Variants in CPNE5 observed in about 807,000 individuals in gnomAD.
CPNE5 encodes the protein copine 5, also known as copine-5.
In CPNE5, 42 loss-of-function variants were observed where a neutral mutation model predicts 81.1. The ratio of observed to expected loss-of-function variants is 0.52; its 90% CI spans 0.40 to 0.67. The LOEUF (loss-of-function observed/expected upper bound fraction) is 0.67. Ranked by LOEUF, CPNE5 falls within the 30% of genes least tolerant of loss-of-function variation. The probability of loss-of-function intolerance (pLI) is 0.00; values close to 1 mark genes in which losing one functional copy is unlikely to be tolerated. For missense variants in CPNE5, 612 were observed against 815.5 expected, an observed-to-expected ratio of 0.75 and a Z score of 3.04; for synonymous variants, 313 against 321.5, an observed-to-expected ratio of 0.97 and a Z score of 0.28.
chr6:36,825,568 C>T (rs1263575096), intron 1 of CPNE5, among the ~76,000 whole-genome samples: 1 of 152,222 alleles, frequency 6.6e-6, no homozygotes, highest in Non-Finnish European at 1.5e-5. Flanking sequence ...ATTTCGGAAA[C>T]CATCTGATAA....
At chr6:36,809,811 AG>A (rs1770938404) in intron 3 of CPNE5, among the ~76,000 whole-genome samples, 1 of 151,596 alleles carries the variant, frequency 6.6e-6, no homozygotes, top group Non-Finnish European at 1.5e-5. Context: ...CGCTGAGTGG[AG>A]CCCTGGTTCA....
intron 3 of CPNE5, among the ~76,000 whole-genome samples, chr6:36,801,761 A>T (rs1770119207): frequency 6.6e-6 from 1 of 152,200 alleles, no homozygotes; most frequent in Admixed American, 6.5e-5. Context: ...GGCCAAATTC[A>T]TCGATGCAGA....
At position 36,746,578 on chromosome 6, in the gene CPNE5, C is replaced by T; in HGVS notation, c.1019-1G>A. The T allele has an allele frequency of 6.2e-7, 1 of 1,610,196 alleles. No homozygotes were observed. The highest frequency in any genetic ancestry group is 8.5e-7 in the Non-Finnish European group (1 of 1,178,366). On this transcript the variant is annotated splice_acceptor_variant, in intron 15 of 20. Transcript: ENST00000244751. LOFTEE classifies it high-confidence loss of function. This position sits in a 1 kb window ranked among gnomAD's most constrained non-coding sequence, Gnocchi z 4.5. ...AGGGATGTGGACTGTGAGGGGTTCC[C>T]TGTAACACAGGACATGGGAGCCTTT...
intron 10 of CPNE5, among the ~76,000 whole-genome samples, chr6:36,771,348 C>T (rs1446624417): frequency 6.6e-6 from 1 of 152,174 alleles, no homozygotes; most frequent in Non-Finnish European, 1.5e-5. Flanking sequence ...CTGGTTCTAC[C>T]ACCGGCTGGC....
Position 36,743,776 on chromosome 6 carries a change from AGT to A in CPNE5, c.1490-16_1490-15del, listed in dbSNP as rs762216223. The A allele has an allele frequency of 1.9e-6, 3 of 1,609,014 alleles. No individual in the cohort carries two copies. Among genetic ancestry groups the A allele is most frequent in the Middle Eastern group, 1.7e-4 (1 of 6,060 alleles). The stretch of plus-strand genomic sequence containing the variant: ...GCTCCACCATGGCTGTGAGGGGAGG[AGT>A]GTCATGGGGCGGGGTGAGATTAACG... On this transcript the variant is annotated splice_polypyrimidine_tract_variant and intron_variant, in intron 19 of 20. Transcript: ENST00000244751.
chr6:36,751,286 C>T (rs1049395702), intron 14 of CPNE5, among the ~76,000 whole-genome samples: 3 of 152,232 alleles, frequency 2.0e-5, no homozygotes, highest in African/African-American at 7.2e-5. Flanking sequence ...ACTCATCAGT[C>T]TCCATCTTCA....
chr6:36,798,444 G>T lies in CPNE5; in HGVS notation c.327+11C>A. ...CTATGGAATTGCTGAGCAGTTACTG[G>T]CAGAACTCACGTGTTTGGATAAATC... On this transcript the variant is annotated intron_variant, in intron 5 of 20. Coordinates refer to ENST00000244751, the MANE Select transcript of CPNE5 (RefSeq NM_020939.2). 2 of 1,613,312 alleles carry T rather than the reference G, an allele frequency of 1.2e-6. No homozygotes were observed. The highest frequency in any genetic ancestry group is 1.1e-5 in the South Asian group (1 of 91,056).
chr6:36,745,262 T>G (rs547288962), intron 17 of CPNE5, 112 bp from the exon 18 acceptor site: 289 of 1,429,488 alleles, frequency 2.0e-4, no homozygotes, highest in Non-Finnish European at 2.6e-4. Flanking sequence ...GGGAATCTCT[T>G]CAGGGTCAGG....
chr6:36,766,629 A>G lies in CPNE5; in HGVS notation c.738-1253T>C, dbSNP rs902170157. 3.9e-5 allele frequency among the ~76,000 whole-genome samples: 6 copies of G among 152,174 alleles called. No homozygotes were observed. The highest frequency in any genetic ancestry group is 6.5e-5 in the Admixed American group (1 of 15,288). On this transcript the variant is annotated intron_variant, in intron 10 of 20. Coordinates refer to ENST00000244751, the MANE Select transcript of CPNE5 (RefSeq NM_020939.2). This position sits in a 1 kb window ranked among gnomAD's most constrained non-coding sequence, Gnocchi z 4.2. Reference sequence around the variant, plus strand: ...GGTTGATGAGCTGGAAAGAGTGGAAAGACCAGGACGGCCCTACGCTTGGAC... The same window carrying G: ...GGTTGATGAGCTGGAAAGAGTGGAAGGACCAGGACGGCCCTACGCTTGGAC...
chr6:36,831,440 G>A (rs984945585), intron 1 of CPNE5, among the ~76,000 whole-genome samples: 4 of 151,746 alleles, frequency 2.6e-5, no homozygotes, highest in Admixed American at 6.6e-5. Context: ...TGCAACCTCC[G>A]CCTCCCAGGT....
intron 3 of CPNE5, among the ~76,000 whole-genome samples, chr6:36,808,326 G>C (rs571186984): frequency 6.6e-6 from 1 of 152,000 alleles, no homozygotes; most frequent in Admixed American, 6.6e-5. Context: ...CCTGACCTCA[G>C]GTAATCCACC....
Position 36,762,846 on chromosome 6 carries a change from T to C in CPNE5, c.855+71A>G, listed in dbSNP as rs184151288. On this transcript the variant is annotated intron_variant, in intron 12 of 20. Transcript: ENST00000244751. ...CACACCAAGCCCCCAGCCCAGTGCATGGCTCACTACAGTCCTCAGTGACTG... is the reference window on the plus strand; with the variant it reads ...CACACCAAGCCCCCAGCCCAGTGCACGGCTCACTACAGTCCTCAGTGACTG... The C allele has an allele frequency of 4.0e-6, 5 of 1,238,228 alleles. No homozygotes were observed. In the East Asian group the frequency reaches 9.3e-5, roughly 23 times the overall value. The allele number at this position is 1,238,228 out of a possible 1,614,324, so 76.7% of individuals were successfully genotyped here.
At chr6:36,743,926 A>G (rs1763821436) in intron 19 of CPNE5, among the ~76,000 whole-genome samples, 164 bp from the exon 20 acceptor site, 1 of 152,200 alleles carries the variant, frequency 6.6e-6, no homozygotes, top group African/African-American at 2.4e-5. Flanking sequence ...GGCCAGGAGG[A>G]GCCCGATCAG....
intron 6 of CPNE5, among the ~76,000 whole-genome samples, chr6:36,796,226 G>A (rs1769559770): frequency 6.6e-6 from 1 of 152,252 alleles, no homozygotes; most frequent in African/African-American, 2.4e-5. Flanking sequence ...TGGGATTACA[G>A]GCATGAGCTA....
Position 36,756,251 on chromosome 6 carries a change from A to G in CPNE5, c.903T>C (p.Ser301=). 1 of 1,613,546 alleles carries G rather than the reference A, an allele frequency of 6.2e-7. No individual in the cohort carries two copies. Among genetic ancestry groups the G allele is most frequent in the Non-Finnish European group, 8.5e-7 (1 of 1,179,650 alleles). ...GACCGGGGTGGCTACTCACTGTGCC[A>G]GAATTCACGTATTTCTTTTTCTTCA... ...KKMKKKKYVN[S]GTVTLLSFAV... Residue 301 remains serine (S), a synonymous_variant, in exon 13 of 21, where the codon TCT becomes TCC. Transcript: ENST00000244751.
At chr6:36,780,963 C>A (rs1225472515) in intron 8 of CPNE5, among the ~76,000 whole-genome samples, 1 of 152,176 alleles carries the variant, frequency 6.6e-6, no homozygotes. Context: ...AAACTAATTT[C>A]AAAGTCATGC....
At position 36,822,166 on chromosome 6, in the gene CPNE5, G is replaced by GT. The variant is rs763886341; in HGVS notation, c.137-7_137-6insA. ...TTGGGTATACATGACGCACACTGCG[G>GT]GGGGAGGAGAAACAGTGGATTAATA... On this transcript the variant is annotated splice_region_variant and splice_polypyrimidine_tract_variant and intron_variant, in intron 2 of 20. Coordinates refer to ENST00000244751, the MANE Select transcript of CPNE5 (RefSeq NM_020939.2). 219 of 1,510,204 alleles carry GT rather than the reference G, an allele frequency of 1.5e-4. No individual in the cohort carries two copies. Among genetic ancestry groups the GT allele is most frequent in the Non-Finnish European group, 1.7e-4 (195 of 1,118,350 alleles). 93.6% of individuals were successfully genotyped at this position (1,510,204 alleles called of 1,614,324 possible).
chr6:36,753,627 T>C (rs1280680242), intron 13 of CPNE5, among the ~76,000 whole-genome samples: 1 of 152,226 alleles, frequency 6.6e-6, no homozygotes, highest in Non-Finnish European at 1.5e-5. Flanking sequence ...ACTGGTCCCA[T>C]CTCATCCCTC....
rs1054285197 is a variant in CPNE5 at position 36,743,739 on chromosome 6, C to T, written c.1513G>A (p.Asp505Asn). Residue 505 changes from aspartate to asparagine, a missense_variant, in exon 20 of 21, where the codon GAC becomes AAC. Physicochemically the swap from Asp to Asn is conservative, Grantham distance 23. Transcript: ENST00000244751. ...TTCCCCCGGGAGGAGATCCGCACGT[C>T]GTCGCCATCCAGCTCCACCATGGCT... is the stretch of plus-strand genomic sequence containing the variant. ...FDAMVELDGD[D>N]VRISSRGKLA... 8.7e-6 allele frequency: 14 copies of T among 1,612,496 alleles called. No individual in the cohort carries two copies. In the African/African-American group the frequency reaches 1.5e-4, roughly 17 times the overall value.
Sources: gnomAD v4.1 joint callset for allele counts (sites outside exome capture counted in the v4.1 genomes callset) on GRCh38, gnomAD v4.1.1 for gene constraint, Gnocchi (gnomAD v3.1) non-coding constraint, MANE v1.5 for transcripts, NCBI Gene and HGNC (gene_info 2026-07-23, HGNC 2026-07-21) for gene names.